Variants in RAD51B observed in about 807,000 individuals in gnomAD.
RAD51B encodes DNA repair protein RAD51 homolog 2.
In RAD51B, 38 loss-of-function variants were observed where a neutral mutation model predicts 42.2. The observed-to-expected ratio is 0.90, with a 90% CI of 0.70 to 1.18. The LOEUF (loss-of-function observed/expected upper bound fraction) is 1.18. Ranked by LOEUF, RAD51B falls within the 50% of genes most tolerant of loss-of-function variation. The pLI, the probability that RAD51B is intolerant of heterozygous loss-of-function variation, is 0.00. For missense variants in RAD51B, 373 were observed against 400.7 expected (o/e 0.93, Z 0.59); for synonymous variants, 154 against 145.2 (o/e 1.06, Z -0.43).
intron 7 of RAD51B, among the ~76,000 whole-genome samples, chr14:67,910,405 C>CA (rs576632132): frequency 0.46 from 4,074 of 8,912 alleles, 1,551 homozygotes; most frequent in Middle Eastern, 0.67. Context: ...GACTCTGTCT[C>CA]AAAAAAAAAA....
intron 7 of RAD51B, among the ~76,000 whole-genome samples, chr14:68,105,548 T>A (rs1027699242): frequency 6.6e-5 from 10 of 151,870 alleles, no homozygotes; most frequent in Non-Finnish European, 1.2e-4. Flanking sequence ...TGTTTGCTTG[T>A]TTTTTACTAA....
chr14:68,320,567 C>T (rs2082139484), intron 8 of RAD51B, among the ~76,000 whole-genome samples: 1 of 152,230 alleles, frequency 6.6e-6, no homozygotes, highest in African/African-American at 2.4e-5. Context: ...GGCAAGGGGC[C>T]TTGCCCCTCT....
intron 11 of RAD51B, among the ~76,000 whole-genome samples, chr14:68,666,003 A>G (rs1401852611): frequency 6.6e-6 from 1 of 152,106 alleles, no homozygotes; most frequent in Non-Finnish European, 1.5e-5. Context: ...GGTCTTCCCT[A>G]GGACTTCTGG....
chr14:67,908,240 A>G (rs1440652782), intron 7 of RAD51B: 2 of 152,200 alleles, frequency 1.3e-5, no homozygotes, highest in African/African-American at 2.4e-5. Flanking sequence ...AAGAAGCTGG[A>G]TTTGTAACAG....
intron 10 of RAD51B, among the ~76,000 whole-genome samples, chr14:68,504,240 A>G (rs1054892112): frequency 3.3e-5 from 5 of 152,164 alleles, no homozygotes; most frequent in African/African-American, 1.2e-4. Context: ...TCCGCAGCTG[A>G]AACCAAGGAC....
chr14:68,463,275 T>A lies in RAD51B; in HGVS notation c.958-4897T>A, dbSNP rs115933530. 6.1e-3 allele frequency among the ~76,000 whole-genome samples: 930 copies of A among 152,312 alleles called. 8 individuals are homozygous for A. Among genetic ancestry groups the A allele is most frequent in the African/African-American group, 0.021 (853 of 41,558 alleles). ...AGGAATCTATATGTATCCACAAAGA[T>A]ACATGGCAAGCATCACTTTTTTTCC... On this transcript the variant is annotated intron_variant, in intron 9 of 10. Transcript: ENST00000471583.
intron 7 of RAD51B, among the ~76,000 whole-genome samples, chr14:68,274,445 T>C (rs1169403989): frequency 1.3e-5 from 2 of 152,174 alleles, no homozygotes; most frequent in African/African-American, 4.8e-5. Flanking sequence ...ATGCCTTGCC[T>C]TTACTACACC....
chr14:68,676,830 C>T (rs764359956), intron 11 of RAD51B, among the ~76,000 whole-genome samples: 5 of 152,222 alleles, frequency 3.3e-5, no homozygotes, highest in East Asian at 1.9e-4. Flanking sequence ...CGGGCGTCCC[C>T]GCCCAGGAGC....
intron 7 of RAD51B, among the ~76,000 whole-genome samples, chr14:68,119,332 T>C (rs1294453814): frequency 6.6e-6 from 1 of 150,872 alleles, no homozygotes; most frequent in Non-Finnish European, 1.5e-5. Context: ...TTTATTATTA[T>C]TATACTTTAA....
At chr14:67,961,764 A>G (rs2074673100) in intron 7 of RAD51B, among the ~76,000 whole-genome samples, 1 of 152,198 alleles carries the variant, frequency 6.6e-6, no homozygotes, top group Admixed American at 6.5e-5. Context: ...AAATATGTAT[A>G]CAACATTTAA....
At chr14:68,091,476 G>GT (rs1406864107) in intron 7 of RAD51B, among the ~76,000 whole-genome samples, 3 of 152,124 alleles carry the variant, frequency 2.0e-5, no homozygotes, top group Non-Finnish European at 2.9e-5. Flanking sequence ...TTTTTCATGT[G>GT]TTTTTTGGCT....
At position 67,868,492 on chromosome 14, in the gene RAD51B, G is replaced by A. The variant is rs185587921; in HGVS notation, c.452+3353G>A. ...GCAGTCTGAGATCAAACTGCAAGGCGGCAGCGAGGCTCAGGGAGGGGCACC... is the reference window on the plus strand; with the variant it reads ...GCAGTCTGAGATCAAACTGCAAGGCAGCAGCGAGGCTCAGGGAGGGGCACC... On this transcript the variant is annotated intron_variant, in intron 5 of 10. Coordinates refer to ENST00000471583, the MANE Select transcript of RAD51B (RefSeq NM_133510.4). Among the ~76,000 whole-genome samples, 976 of 151,212 alleles carry A rather than the reference G, an allele frequency of 6.5e-3. 10 individuals carry two copies. The highest frequency in any genetic ancestry group is 0.021 in the Middle Eastern group (6 of 292).
chr14:68,013,661 G>A (rs2075725923), intron 7 of RAD51B, among the ~76,000 whole-genome samples: 3 of 152,104 alleles, frequency 2.0e-5, no homozygotes, highest in African/African-American at 2.4e-5. Flanking sequence ...AACTTTCTCT[G>A]CTCTTGATGG....
chr14:68,309,784 C>T (rs1290286341), intron 8 of RAD51B, among the ~76,000 whole-genome samples: 1 of 152,174 alleles, frequency 6.6e-6, no homozygotes, highest in Admixed American at 6.5e-5. Flanking sequence ...CTGCCAAAGA[C>T]ATGGTGAGGG....
At chr14:67,849,000 G>A (rs1305950788) in intron 4 of RAD51B, among the ~76,000 whole-genome samples, 2 of 152,132 alleles carry the variant, frequency 1.3e-5, no homozygotes, top group Non-Finnish European at 2.9e-5. Context: ...ATTCTCTCTT[G>A]CTTCCTTCAA....
At position 67,983,507 on chromosome 14, in the gene RAD51B, A is replaced by G. The variant is rs569704575; in HGVS notation, c.756+96303A>G. Among the ~76,000 whole-genome samples, 782 of 152,328 alleles carry G rather than the reference A, an allele frequency of 5.1e-3. 1 individual carries two copies. The highest frequency in any genetic ancestry group is 8.6e-3 in the Non-Finnish European group (582 of 68,018). ...GGACAGTTTTATATTAACATCTGACAATGTACAAAAGTTATACAAATTTGT... is the reference window on the plus strand; with the variant it reads ...GGACAGTTTTATATTAACATCTGACGATGTACAAAAGTTATACAAATTTGT... On this transcript the variant is annotated intron_variant, in intron 7 of 10. Transcript: ENST00000471583.
chr14:68,538,889 C>T (rs549783351), intron 10 of RAD51B, among the ~76,000 whole-genome samples: 32 of 152,250 alleles, frequency 2.1e-4, no homozygotes, highest in African/African-American at 7.7e-4. Context: ...ATCTCTCTGG[C>T]CACTGAGGGC....
chr14:68,208,266 C>T (rs769007379), intron 7 of RAD51B, among the ~76,000 whole-genome samples: 11 of 152,106 alleles, frequency 7.2e-5, no homozygotes, highest in Non-Finnish European at 1.6e-4. Flanking sequence ...CCAAGAAAAA[C>T]AAGGTGTGGT....
chr14:67,994,046 AT>A (rs35470085), intron 7 of RAD51B, among the ~76,000 whole-genome samples: 3,572 of 152,160 alleles, frequency 0.023, 80 homozygotes, highest in African/African-American at 0.055. Flanking sequence ...TAATATTAAT[AT>A]TGCTTTGAAA....
Sources: allele counts gnomAD v4.1 joint callset (sites outside exome capture counted in the v4.1 genomes callset), GRCh38; gene constraint gnomAD v4.1.1; transcripts MANE v1.5; gene names NCBI Gene and HGNC (gene_info 2026-07-23, HGNC 2026-07-21).